The following NCKAP5 variants were observed in gnomAD, a reference collection of about 807,000 sequenced individuals.
The protein encoded by NCKAP5 is nck-associated protein 5.
A neutral mutation model predicts 167.0 loss-of-function variants in NCKAP5; 92 were observed. The observed-to-expected ratio is 0.55, with a 90% CI of 0.47 to 0.66. The LOEUF (loss-of-function observed/expected upper bound fraction) is 0.66. Among genes scored for constraint, NCKAP5 ranks in the 30% least tolerant of loss-of-function variants. NCKAP5 has a pLI of 0.00. For synonymous variants in NCKAP5, 891 were observed against 877.4 expected (o/e 1.02, Z -0.27); for missense variants, 2,378 against 2,315.0 (o/e 1.03, Z -0.56).
chr2:133,064,314 T>G (rs1028371165), intron 6 of NCKAP5, among the ~76,000 whole-genome samples: 4 of 152,252 alleles, frequency 2.6e-5, no homozygotes, highest in African/African-American at 9.6e-5. Context: ...GGTGGATCTT[T>G]AAGTATACTG....
At chr2:132,931,843 A>G (rs1040475273) in intron 8 of NCKAP5, among the ~76,000 whole-genome samples, 1 of 152,234 alleles carries the variant, frequency 6.6e-6, no homozygotes, top group African/African-American at 2.4e-5. Context: ...GAGTTGTGAA[A>G]TTCCATAGAA....
chr2:133,191,775 G>C (rs536413134), intron 5 of NCKAP5, among the ~76,000 whole-genome samples: 11 of 151,958 alleles, frequency 7.2e-5, no homozygotes, highest in Admixed American at 3.9e-4. Context: ...TCATGGGGTT[G>C]GGGGGAGCAG....
chr2:133,151,812 A>T (rs1315713170), intron 5 of NCKAP5, among the ~76,000 whole-genome samples: 5 of 152,202 alleles, frequency 3.3e-5, no homozygotes, highest in Non-Finnish European at 7.3e-5. Flanking sequence ...CACAAAAAAA[A>T]TGCACATGGC....
chr2:133,144,761 G>A (rs13000201), intron 5 of NCKAP5, among the ~76,000 whole-genome samples: 27,181 of 152,056 alleles, frequency 0.18, 2,640 homozygotes, highest in Middle Eastern at 0.22. Flanking sequence ...TTTACCCTTT[G>A]GTGTTGAACC....
At chr2:133,642,574 T>G in the NCKAP5 span, among the ~76,000 whole-genome samples, 6 of 152,134 alleles carry the variant, frequency 3.9e-5, no homozygotes, top group African/African-American at 1.4e-4. Context: ...GGAGTTGAAA[T>G]ATTTATAACT....
intron 6 of NCKAP5, among the ~76,000 whole-genome samples, chr2:133,003,450 C>A (rs202094793): frequency 1.3e-5 from 2 of 152,110 alleles, no homozygotes; most frequent in Non-Finnish European, 2.9e-5. Context: ...TGCCCAACTG[C>A]GCCACTTGTT....
At chr2:133,150,421 G>A (rs1237017820) in intron 5 of NCKAP5, among the ~76,000 whole-genome samples, 1 of 152,062 alleles carries the variant, frequency 6.6e-6, no homozygotes, top group Non-Finnish European at 1.5e-5. Flanking sequence ...TGAAGATAAG[G>A]GGGAACTAAT....
intron 4 of NCKAP5, among the ~76,000 whole-genome samples, chr2:133,290,339 A>G (rs1263078122): frequency 1.3e-5 from 2 of 152,242 alleles, no homozygotes; most frequent in East Asian, 3.8e-4. Flanking sequence ...TTTCAAAATC[A>G]TGAGATATCC....
At chr2:133,238,020 G>A (rs1351358262) in intron 4 of NCKAP5, among the ~76,000 whole-genome samples, 2 of 152,128 alleles carry the variant, frequency 1.3e-5, no homozygotes, top group African/African-American at 4.8e-5. Flanking sequence ...CTCCACCACT[G>A]TGGCCAATGA....
intron 6 of NCKAP5, among the ~76,000 whole-genome samples, chr2:133,024,493 A>G (rs1298484842): frequency 6.6e-6 from 1 of 152,236 alleles, no homozygotes; most frequent in African/African-American, 2.4e-5. Flanking sequence ...TAGAGTTAAC[A>G]TATCTTTCAT....
chr2:133,576,598 G>C, the NCKAP5 span, among the ~76,000 whole-genome samples: 118 of 152,218 alleles, frequency 7.8e-4, no homozygotes, highest in Non-Finnish European at 2.4e-4. Context: ...TACTGATTGG[G>C]AGACACAATT....
intron 5 of NCKAP5, among the ~76,000 whole-genome samples, chr2:133,130,825 C>T (rs1423773568): frequency 7.0e-6 from 1 of 143,736 alleles, no homozygotes; most frequent in African/African-American, 2.9e-5. Context: ...ACACTAATGT[C>T]TTTGTTGTTT....
intron 11 of NCKAP5, among the ~76,000 whole-genome samples, chr2:132,807,054 A>G (rs898903320): frequency 2.6e-5 from 4 of 152,108 alleles, no homozygotes; most frequent in African/African-American, 9.7e-5. Flanking sequence ...TTTGTCTAAG[A>G]TCAGTTGGCT....
intron 8 of NCKAP5, among the ~76,000 whole-genome samples, chr2:132,962,063 T>C (rs1027081980): frequency 1.3e-5 from 2 of 152,168 alleles, no homozygotes; most frequent in African/African-American, 4.8e-5. Context: ...TGCTAGCGAT[T>C]CCTTTAGTTG....
intron 4 of NCKAP5, among the ~76,000 whole-genome samples, chr2:133,234,404 GT>G (rs1287756040): frequency 1.3e-5 from 2 of 152,154 alleles, no homozygotes; most frequent in Non-Finnish European, 2.9e-5. Flanking sequence ...ATGTACTAGT[GT>G]GCTATTCTGC....
chr2:133,390,747 C>T (rs1227043794), intron 3 of NCKAP5, among the ~76,000 whole-genome samples: 1 of 152,024 alleles, frequency 6.6e-6, no homozygotes, highest in African/African-American at 2.4e-5. Context: ...CTGTGTACAC[C>T]GTTACCTGTG....
intron 3 of NCKAP5, among the ~76,000 whole-genome samples, chr2:133,482,752 T>C (rs1680564287): frequency 6.6e-6 from 1 of 152,216 alleles, no homozygotes; most frequent in Non-Finnish European, 1.5e-5. Context: ...TAGTTTGTGT[T>C]CCCACCAACA....
intron 12 of NCKAP5, among the ~76,000 whole-genome samples, chr2:132,791,313 T>C (rs1433541445): frequency 6.6e-6 from 1 of 152,248 alleles, no homozygotes; most frequent in Non-Finnish European, 1.5e-5. Flanking sequence ...CAGTCCTTGT[T>C]ACCATTTGGC....
intron 2 of NCKAP5, among the ~76,000 whole-genome samples, chr2:133,546,513 C>T (rs978671418): frequency 1.3e-5 from 2 of 152,062 alleles, no homozygotes; most frequent in East Asian, 1.9e-4. Context: ...AGGGATATCA[C>T]GCGATGTGTG....
Sources: allele counts gnomAD v4.1 joint callset (sites outside exome capture counted in the v4.1 genomes callset), GRCh38; gene constraint gnomAD v4.1.1; transcripts MANE v1.5; gene names NCBI Gene and HGNC (gene_info 2026-07-23, HGNC 2026-07-21).